DSE: variants seen among roughly 807,000 people sequenced by gnomAD.
The protein encoded by DSE is dermatan-sulfate epimerase.
A neutral mutation model predicts 84.4 loss-of-function variants in DSE; 36 were observed. The ratio of observed to expected loss-of-function variants is 0.43; its 90% confidence interval spans 0.33 to 0.56. The LOEUF is 0.56. Among genes scored for constraint, DSE ranks in the 20% least tolerant of loss-of-function variants. The pLI, the probability that DSE is intolerant of heterozygous loss-of-function variation, is 0.06. For missense variants in DSE, 862 were observed against 1,169.6 expected (o/e 0.74, Z 3.84); for synonymous variants, 410 against 430.1 (o/e 0.95, Z 0.58).
chr6:116,427,409 CTGAT>C (rs998890741), intron 3 of DSE, among the ~76,000 whole-genome samples: 3 of 152,092 alleles, frequency 2.0e-5, no homozygotes, highest in Non-Finnish European at 4.4e-5. Context: ...CTATAAATGA[CTGAT>C]TAAGATTGTG....
chr6:116,372,853 T>C (rs1429963008), intron 1 of DSE, among the ~76,000 whole-genome samples: 2 of 152,192 alleles, frequency 1.3e-5, no homozygotes, highest in Non-Finnish European at 2.9e-5. Context: ...TTAGCTCTCT[T>C]GGAGCTGCTA....
At chr6:116,410,341 C>T (rs559341648) in intron 2 of DSE, among the ~76,000 whole-genome samples, 2 of 152,258 alleles carry the variant, frequency 1.3e-5, no homozygotes, top group South Asian at 2.1e-4. Context: ...TGCCTACAGG[C>T]GTCATGTCCT....
At chr6:116,260,854 G>T (rs530889172) in intron 2 of DSE, among the ~76,000 whole-genome samples, 2 of 152,254 alleles carry the variant, frequency 1.3e-5, no homozygotes, top group African/African-American at 2.4e-5. Flanking sequence ...GTCTGTATTT[G>T]TATCAGTACC....
intron 2 of DSE, among the ~76,000 whole-genome samples, chr6:116,411,457 A>C (rs1405272761): frequency 6.6e-6 from 1 of 152,242 alleles, no homozygotes; most frequent in East Asian, 1.9e-4. Context: ...GGAGGGCATC[A>C]GCTTGAGTGA....
intron 1 of DSE, among the ~76,000 whole-genome samples, chr6:116,397,197 CTCTT>C (rs1164236367): frequency 1.4e-5 from 2 of 137,996 alleles, no homozygotes; most frequent in South Asian, 2.3e-4. Flanking sequence ...GTATATTATT[CTCTT>C]TCTTTCTTTT....
intron 2 of DSE, among the ~76,000 whole-genome samples, chr6:116,323,247 A>G (rs1469485081): frequency 1.3e-5 from 2 of 152,244 alleles, no homozygotes; most frequent in African/African-American, 4.8e-5. Flanking sequence ...CAGTTGTAGC[A>G]ATGTCATGTC....
chr6:116,436,058 G>T lies in DSE; in HGVS notation c.1590G>T (p.Glu530Asp). 6.2e-7 allele frequency: 1 copy of T among 1,613,978 alleles called. No individual in the cohort carries two copies. The highest frequency in any genetic ancestry group is 8.5e-7 in the Non-Finnish European group (1 of 1,180,010). The change falls in exon 6 of 6, where the codon GAG becomes GAT. Residue 530 changes from glutamate (E) to aspartate (D), a missense_variant. Transcript: ENST00000644252. ...SCQGRVVAAE[E>D]KNGVVFIRGE... ...AGGGGAGGGTGGTTGCAGCAGAGGA[G>T]AAAAATGGGGTGGTTTTCATCCGAG...
chr6:116,426,480 T>G, intron 2 of DSE, 94 bp from the exon 3 acceptor site: 1 of 1,499,434 alleles, frequency 6.7e-7, no homozygotes, highest in East Asian at 2.3e-5. Flanking sequence ...TATCTTCAAG[T>G]GTGCCCTTTA....
At chr6:116,376,998 TC>T (rs1415292995) in intron 1 of DSE, among the ~76,000 whole-genome samples, 3 of 152,184 alleles carry the variant, frequency 2.0e-5, no homozygotes, top group Admixed American at 6.5e-5. Flanking sequence ...ATAGTTTCTC[TC>T]CTCTCAGTGC....
intron 2 of DSE, among the ~76,000 whole-genome samples, chr6:116,360,414 G>T (rs1778825946): frequency 6.6e-6 from 1 of 152,136 alleles, no homozygotes; most frequent in Admixed American, 6.5e-5. Flanking sequence ...GTCATATCTT[G>T]ACATGTATTT....
intron 2 of DSE, among the ~76,000 whole-genome samples, chr6:116,420,490 A>G (rs1326825241): frequency 1.3e-5 from 2 of 152,222 alleles, no homozygotes; most frequent in African/African-American, 4.8e-5. Flanking sequence ...CCAGGTGAGC[A>G]CACAGTAAGA....
At chr6:116,304,325 G>A (rs1382602435) in intron 2 of DSE, among the ~76,000 whole-genome samples, 1 of 151,652 alleles carries the variant, frequency 6.6e-6, no homozygotes, top group Non-Finnish European at 1.5e-5. Flanking sequence ...AAATACCTTT[G>A]CATATCTGAA....
At chr6:116,397,977 T>C (rs551179002) in intron 1 of DSE, among the ~76,000 whole-genome samples, 9 of 152,354 alleles carry the variant, frequency 5.9e-5, no homozygotes, top group African/African-American at 2.2e-4. Context: ...TGTTAAATTA[T>C]TAGTTTTTCT....
intron 2 of DSE, among the ~76,000 whole-genome samples, chr6:116,336,755 C>CAAAAAA (rs55859612): frequency 7.7e-6 from 1 of 130,100 alleles, no homozygotes; most frequent in Non-Finnish European, 1.6e-5. Context: ...AACTCCATCT[C>CAAAAAA]AAAAAAAAAA....
intron 2 of DSE, among the ~76,000 whole-genome samples, chr6:116,308,555 C>T (rs2114724003): frequency 6.6e-6 from 1 of 152,214 alleles, no homozygotes; most frequent in East Asian, 1.9e-4. Flanking sequence ...AGATCAGTGC[C>T]CACATTCTTG....
intron 2 of DSE, among the ~76,000 whole-genome samples, chr6:116,260,471 A>C (rs113808116): frequency 2.6e-4 from 40 of 152,286 alleles, no homozygotes; most frequent in Non-Finnish European, 5.1e-4. Flanking sequence ...TGCTGTGCAG[A>C]AGCTCTTTAG....
chr6:116,430,659 A>G, intron 3 of DSE, among the ~76,000 whole-genome samples: 1 of 151,808 alleles, frequency 6.6e-6, no homozygotes, highest in East Asian at 1.9e-4. Context: ...CTCCTTCCTC[A>G]GCCCCCCAAG....
intron 2 of DSE, among the ~76,000 whole-genome samples, chr6:116,326,644 G>A (rs1000378094): frequency 2.0e-5 from 3 of 152,148 alleles, no homozygotes; most frequent in Non-Finnish European, 2.9e-5. Context: ...CGAGAAAACT[G>A]TTAGGTTCTC....
rs146057740 is a variant in DSE at position 116,415,451 on chromosome 6, A to T, written c.417-11123A>T. ...AGTCTGTGTACTGTGCACTTCATGG[A>T]TTCTTTCAATATGGAAACTTATCCC... On this transcript the variant is annotated intron_variant, in intron 2 of 5. Transcript: ENST00000644252. Among the ~76,000 whole-genome samples the T allele has an allele frequency of 4.5e-3, 681 of 151,856 alleles. 23 individuals are homozygous for T. Among genetic ancestry groups the T allele is most frequent in the South Asian group, 0.043 (204 of 4,800 alleles).
Sources: allele counts gnomAD v4.1 joint callset (sites outside exome capture counted in the v4.1 genomes callset), GRCh38; gene constraint gnomAD v4.1.1; transcripts MANE v1.5; gene names NCBI Gene and HGNC (gene_info 2026-07-23, HGNC 2026-07-21).